Variants in IMMP2L observed in about 807,000 individuals in gnomAD.
The protein encoded by IMMP2L is inner mitochondrial membrane peptidase subunit 2, also known as mitochondrial inner membrane protease subunit 2.
IMMP2L carries 18 observed loss-of-function variants against 19.3 expected under a neutral mutation model. The ratio of observed to expected loss-of-function variants is 0.93; its 90% CI spans 0.64 to 1.38. The LOEUF (loss-of-function observed/expected upper bound fraction) is 1.38. IMMP2L is among the 40% of genes most tolerant of loss of function. IMMP2L has a pLI of 0.00. For missense variants in IMMP2L, 233 were observed against 218.2 expected (o/e 1.07, Z -0.43); for synonymous variants, 76 against 73.0 (o/e 1.04, Z -0.21).
intron 3 of IMMP2L, among the ~76,000 whole-genome samples, chr7:111,025,795 ATAACGAATCTCATTT>A (rs1826744536): frequency 6.6e-6 from 1 of 152,204 alleles, no homozygotes; most frequent in African/African-American, 2.4e-5. Flanking sequence ...AATGGTATGA[ATAACGAATCTCATTT>A]TAACTAATTC....
In IMMP2L at chr7:111,142,796, A is replaced by C. The variant is rs549957381; in HGVS notation, c.240-179231T>G. On this transcript the variant is annotated intron_variant, in intron 3 of 5. Coordinates refer to ENST00000405709, the MANE Select transcript of IMMP2L (RefSeq NM_032549.4). ...AAAATGGAGCAATATCCTATACCTG[A>C]GGACAAGAAAAGGCAGTGCCCTCAA... Among the ~76,000 whole-genome samples the C allele has an allele frequency of 1.6e-4, 25 of 152,302 alleles. No homozygotes were observed. In the South Asian group the frequency reaches 4.3e-3, roughly 26 times the overall value.
At chr7:110,992,106 T>C (rs1822538436) in intron 3 of IMMP2L, among the ~76,000 whole-genome samples, 1 of 152,204 alleles carries the variant, frequency 6.6e-6, no homozygotes, top group Non-Finnish European at 1.5e-5. Flanking sequence ...TACAATTATA[T>C]GTACATTTCT....
chr7:110,989,216 C>G (rs1294104065), intron 3 of IMMP2L, among the ~76,000 whole-genome samples: 1 of 151,974 alleles, frequency 6.6e-6, no homozygotes, highest in Non-Finnish European at 1.5e-5. Flanking sequence ...GCCTGGGCAA[C>G]AAGAGTGAAA....
intron 1 of IMMP2L, among the ~76,000 whole-genome samples, chr7:111,531,424 C>T (rs1471624091): frequency 6.6e-6 from 1 of 151,956 alleles, no homozygotes; most frequent in Admixed American, 6.6e-5. Context: ...TATAAATTAT[C>T]CTTATCCTGT....
intron 3 of IMMP2L, among the ~76,000 whole-genome samples, chr7:111,134,956 TA>T (rs1260514051): frequency 6.6e-6 from 1 of 152,094 alleles, no homozygotes; most frequent in Admixed American, 6.6e-5. Context: ...GGTAGCCTCT[TA>T]AACAAAATAT....
rs917790135 is a variant in IMMP2L, at chr7:111,446,125, G to C, written c.239+41113C>G. On this transcript the variant is annotated intron_variant, in intron 3 of 5. Coordinates refer to ENST00000405709, the MANE Select transcript of IMMP2L (RefSeq NM_032549.4). ...CAAACTGCAAGGCGGCAGCAAGGCT[G>C]GGGGAGGGGCGCCCGCCATTGCCCA... is the stretch of plus-strand genomic sequence containing the variant. Among the ~76,000 whole-genome samples, 68 of 152,266 alleles carry C rather than the reference G, an allele frequency of 4.5e-4. 1 individual carries two copies. In the Middle Eastern group the frequency reaches 0.01, roughly 23 times the overall value.
At chr7:111,222,363 A>G (rs777103992) in intron 3 of IMMP2L, among the ~76,000 whole-genome samples, 52 of 152,182 alleles carry the variant, frequency 3.4e-4, no homozygotes, top group South Asian at 1.0e-3. Context: ...TTTTGTACAA[A>G]AAAAACACAT....
chr7:111,021,608 C>CACG (rs1826281980), intron 3 of IMMP2L, among the ~76,000 whole-genome samples: 1 of 152,176 alleles, frequency 6.6e-6, no homozygotes, highest in South Asian at 2.1e-4. Context: ...ATCATCTGGG[C>CACG]ACGGTGGCTG....
intron 3 of IMMP2L, among the ~76,000 whole-genome samples, chr7:111,296,011 A>G (rs1821598674): frequency 6.6e-6 from 1 of 150,728 alleles, no homozygotes; most frequent in African/African-American, 2.4e-5. Context: ...AGCACTAAAA[A>G]TGAAAGAAAC....
rs113866758 is a variant in IMMP2L, at chr7:111,383,670, G to A, written c.239+103568C>T. 6.9e-3 allele frequency among the ~76,000 whole-genome samples: 1,053 copies of A among 152,102 alleles called. 11 individuals are homozygous for A. Among genetic ancestry groups the A allele is most frequent in the African/African-American group, 0.023 (935 of 41,538 alleles). ...ATGCATCAGTCCAGAATCCCAGAAGGCAGGAGGGGTAGGTGGAGGATTCAA... is the reference window on the plus strand; with the variant it reads ...ATGCATCAGTCCAGAATCCCAGAAGACAGGAGGGGTAGGTGGAGGATTCAA... On this transcript the variant is annotated intron_variant, in intron 3 of 5. Transcript: ENST00000405709.
At chr7:110,817,272 T>A (rs1194585525) in intron 5 of IMMP2L, among the ~76,000 whole-genome samples, 1 of 152,190 alleles carries the variant, frequency 6.6e-6, no homozygotes, top group East Asian at 1.9e-4. Context: ...AGTCTCAGGA[T>A]ACAAAATCAA....
chr7:110,987,927 C>T (rs893068000), intron 3 of IMMP2L, among the ~76,000 whole-genome samples: 1 of 152,102 alleles, frequency 6.6e-6, no homozygotes, highest in Non-Finnish European at 1.5e-5. Flanking sequence ...TGAGGGATGG[C>T]TCATTATCCC....
chr7:111,113,141 A>G (rs1799441549), intron 3 of IMMP2L, among the ~76,000 whole-genome samples: 1 of 152,186 alleles, frequency 6.6e-6, no homozygotes. Context: ...GATTTCTGTA[A>G]TAATATTGTA....
chr7:111,546,381 G>T (rs555937445), intron 1 of IMMP2L, among the ~76,000 whole-genome samples: 1 of 152,040 alleles, frequency 6.6e-6, no homozygotes, highest in South Asian at 2.1e-4. Flanking sequence ...TTAAAAAAAG[G>T]CATCTCATTA....
intron 3 of IMMP2L, among the ~76,000 whole-genome samples, chr7:111,035,302 C>T (rs1791224927): frequency 6.6e-6 from 1 of 152,082 alleles, no homozygotes; most frequent in Admixed American, 6.6e-5. Context: ...TTACACCTTT[C>T]CACAAAAACT....
At chr7:110,842,845 A>G (rs1805234923) in intron 5 of IMMP2L, among the ~76,000 whole-genome samples, 1 of 152,178 alleles carries the variant, frequency 6.6e-6, no homozygotes, top group Non-Finnish European at 1.5e-5. Flanking sequence ...ATTGAAAAGA[A>G]GCTTAATTGC....
intron 5 of IMMP2L, among the ~76,000 whole-genome samples, chr7:110,785,606 A>G (rs1033384474): frequency 6.6e-6 from 1 of 151,956 alleles, no homozygotes; most frequent in Non-Finnish European, 1.5e-5. Flanking sequence ...CAAAGATAGA[A>G]TCAGTCTTTC....
At chr7:111,422,670 A>G (rs1018671180) in intron 3 of IMMP2L, among the ~76,000 whole-genome samples, 20 of 151,836 alleles carry the variant, frequency 1.3e-4, no homozygotes, top group African/African-American at 4.9e-4. Context: ...CAAACAGGAA[A>G]AATTTGACTT....
intron 3 of IMMP2L, among the ~76,000 whole-genome samples, chr7:111,062,086 C>G (rs1279464086): frequency 6.6e-6 from 1 of 152,114 alleles, no homozygotes; most frequent in East Asian, 1.9e-4. Context: ...TAATTTAGAG[C>G]TCTTCTATTT....
Sources: allele counts gnomAD v4.1 joint callset (sites outside exome capture counted in the v4.1 genomes callset), GRCh38; gene constraint gnomAD v4.1.1; transcripts MANE v1.5; gene names NCBI Gene and HGNC (gene_info 2026-07-23, HGNC 2026-07-21).